The following NBAS variants were observed in gnomAD, a reference collection of about 807,000 sequenced individuals.
NBAS encodes NAG/BC035112 fusion.
A neutral mutation model predicts 302.5 loss-of-function variants in NBAS; 219 were observed. The ratio of observed to expected loss-of-function variants is 0.72; its 90% CI spans 0.65 to 0.81. The LOEUF (loss-of-function observed/expected upper bound fraction) is 0.81, where lower values mean the gene tolerates loss of function less well. Ranked by LOEUF, NBAS falls within the 30% of genes least tolerant of loss-of-function variation. The pLI is 0.00. For missense variants in NBAS, 2,932 were observed against 2,841.6 expected (o/e 1.03, Z -0.72); for synonymous variants, 1,118 against 1,021.6 (o/e 1.09, Z -1.80).
At chr2:15,231,061 A>AGT (rs1667362394) in intron 47 of NBAS, among the ~76,000 whole-genome samples, 1 of 152,216 alleles carries the variant, frequency 6.6e-6, no homozygotes, top group Non-Finnish European at 1.5e-5. Flanking sequence ...CTATGGCTAC[A>AGT]GGCCAGATCG....
chr2:15,324,136 C>CA (rs1472663715), intron 38 of NBAS, among the ~76,000 whole-genome samples: 6 of 152,106 alleles, frequency 3.9e-5, no homozygotes, highest in Non-Finnish European at 8.8e-5. Context: ...CATCGGAGAG[C>CA]AACAGCCCAG....
chr2:15,157,884 A>C, the NBAS span, among the ~76,000 whole-genome samples: 5 of 152,154 alleles, frequency 3.3e-5, no homozygotes, highest in Admixed American at 6.5e-5. Flanking sequence ...AAATGAACAT[A>C]AGAGTATCAC....
chr2:15,494,428 A>G (rs1234216774), intron 11 of NBAS, among the ~76,000 whole-genome samples: 1 of 152,224 alleles, frequency 6.6e-6, no homozygotes, highest in Non-Finnish European at 1.5e-5. Context: ...ATATAACTCA[A>G]CTTTCTAAAT....
the NBAS span, among the ~76,000 whole-genome samples, chr2:15,006,782 C>T: frequency 6.6e-6 from 1 of 152,200 alleles, no homozygotes; most frequent in African/African-American, 2.4e-5. Context: ...TTATGCATGT[C>T]CAGCCATCAG....
At chr2:14,901,294 A>T in the NBAS span, among the ~76,000 whole-genome samples, 1 of 152,228 alleles carries the variant, frequency 6.6e-6, no homozygotes, top group Non-Finnish European at 1.5e-5. Context: ...ACTGGGTAAA[A>T]ATAGAAACTG....
chr2:15,510,516 GC>G lies in NBAS; in HGVS notation c.885+695del, dbSNP rs547496140. Among the ~76,000 whole-genome samples the G allele has an allele frequency of 7.2e-5, 11 of 152,272 alleles. 1 individual carries two copies. In the South Asian group the frequency reaches 1.4e-3, roughly 20 times the overall value. ...AGTCATGATCTCAACATCAGGCTTT[GC>G]CACAAAATAAGGAAAAAATATGTAT... On this transcript the variant is annotated intron_variant, in intron 10 of 51. Coordinates refer to ENST00000281513, the MANE Select transcript of NBAS (RefSeq NM_015909.4).
chr2:15,229,347 CAAAA>C (rs61152926), intron 47 of NBAS, among the ~76,000 whole-genome samples: 17 of 76,866 alleles, frequency 2.2e-4, no homozygotes, highest in African/African-American at 6.6e-4. Flanking sequence ...TCTCAAAAAA[CAAAA>C]AAAAAAAAAA....
the NBAS span, among the ~76,000 whole-genome samples, chr2:14,912,703 TAAAAAA>T: frequency 1.3e-5 from 1 of 78,552 alleles, no homozygotes; most frequent in Non-Finnish European, 2.9e-5. Flanking sequence ...CATTCATTTT[TAAAAAA>T]AAAAAAAAAA....
At chr2:15,496,683 G>C (rs1681087303) in intron 11 of NBAS, among the ~76,000 whole-genome samples, 1 of 151,892 alleles carries the variant, frequency 6.6e-6, no homozygotes, top group African/African-American at 2.4e-5. Context: ...AAGGAAGAAG[G>C]TGCAAAAAGA....
At chr2:15,527,702 G>C (rs1237150732) in intron 9 of NBAS, among the ~76,000 whole-genome samples, 2 of 152,094 alleles carry the variant, frequency 1.3e-5, no homozygotes, top group Non-Finnish European at 2.9e-5. Context: ...ATGGATTTTG[G>C]AGGGCAGATG....
chr2:15,286,105 A>G (rs1023722310), intron 42 of NBAS, among the ~76,000 whole-genome samples: 9 of 152,154 alleles, frequency 5.9e-5, no homozygotes, highest in African/African-American at 1.9e-4. Context: ...TCACCCTCAT[A>G]TCTAGTTTAT....
chr2:15,453,825 C>A (rs1380460631), intron 21 of NBAS, among the ~76,000 whole-genome samples: 1 of 151,952 alleles, frequency 6.6e-6, no homozygotes, highest in Non-Finnish European at 1.5e-5. Flanking sequence ...TGTCACCAGG[C>A]TGGAGTGCAG....
At chr2:15,186,082 A>T (rs1049533208) in intron 50 of NBAS, among the ~76,000 whole-genome samples, 3 of 128,730 alleles carry the variant, frequency 2.3e-5, no homozygotes, top group African/African-American at 1.1e-4. Context: ...ATACATATAT[A>T]TATACACACA....
At chr2:15,131,611 T>C in the NBAS span, among the ~76,000 whole-genome samples, 3 of 152,206 alleles carry the variant, frequency 2.0e-5, no homozygotes, top group Non-Finnish European at 4.4e-5. Context: ...TTATTATTAT[T>C]ATACTTTAAG....
the NBAS span, among the ~76,000 whole-genome samples, chr2:14,825,954 C>A: frequency 6.6e-6 from 1 of 152,140 alleles, no homozygotes; most frequent in Non-Finnish European, 1.5e-5. Flanking sequence ...TTGGGGGCTA[C>A]AGAGGTTATG....
chr2:15,369,731 A>G (rs1040962648), intron 31 of NBAS, among the ~76,000 whole-genome samples: 1 of 152,258 alleles, frequency 6.6e-6, no homozygotes, highest in African/African-American at 2.4e-5. Flanking sequence ...GTACCTTTTA[A>G]TAATTAAAGA....
At chr2:15,557,855 T>G (rs1664719569) in intron 2 of NBAS, among the ~76,000 whole-genome samples, 1 of 152,190 alleles carries the variant, frequency 6.6e-6, no homozygotes, top group Non-Finnish European at 1.5e-5. Context: ...AACCTAGTGC[T>G]CAATCCTTTC....
the NBAS span, among the ~76,000 whole-genome samples, chr2:14,853,995 C>T: frequency 7.7e-5 from 11 of 143,116 alleles, no homozygotes; most frequent in East Asian, 6.2e-4. Flanking sequence ...GTGGGTGCAG[C>T]GCACCAGCAT....
the NBAS span, among the ~76,000 whole-genome samples, chr2:15,079,001 A>T: frequency 2.0e-5 from 3 of 152,178 alleles, no homozygotes; most frequent in Non-Finnish European, 2.9e-5. Flanking sequence ...TCTGCAAAAT[A>T]GAAAACTGAG....
Sources: allele counts gnomAD v4.1 joint callset (sites outside exome capture counted in the v4.1 genomes callset), GRCh38; gene constraint gnomAD v4.1.1; transcripts MANE v1.5; gene names NCBI Gene and HGNC (gene_info 2026-07-23, HGNC 2026-07-21).